RSPO2: variants seen among roughly 807,000 people sequenced by gnomAD.
RSPO2 encodes the protein R-spondin-2.
Under a neutral mutation model 30.9 loss-of-function variants are expected in RSPO2, and 14 were observed. The ratio of observed to expected loss-of-function variants is 0.45; its 90% CI spans 0.30 to 0.71. The LOEUF (loss-of-function observed/expected upper bound fraction) is 0.71. Among genes scored for constraint, RSPO2 ranks in the 30% least tolerant of loss-of-function variants. The pLI, the probability that RSPO2 is intolerant of heterozygous loss-of-function variation, is 0.08. For synonymous variants in RSPO2, 107 were observed against 96.4 expected (o/e 1.11, Z -0.64); for missense variants, 264 against 301.9 (o/e 0.87, Z 0.93).
intron 2 of RSPO2, among the ~76,000 whole-genome samples, chr8:108,014,700 G>T (rs1029876452): frequency 1.3e-5 from 2 of 151,938 alleles, no homozygotes; most frequent in Non-Finnish European, 2.9e-5. Context: ...GTCAGGTGGT[G>T]GGGGGGCTAG....
intron 2 of RSPO2, among the ~76,000 whole-genome samples, chr8:108,062,712 C>A (rs186556764): frequency 6.6e-6 from 1 of 151,812 alleles, no homozygotes; most frequent in East Asian, 1.9e-4. Context: ...ATATCAAAGT[C>A]TGGCAGAGAC....
intron 3 of RSPO2, among the ~76,000 whole-genome samples, chr8:107,984,227 C>A (rs1463803042): frequency 6.6e-6 from 1 of 152,212 alleles, no homozygotes; most frequent in East Asian, 1.9e-4. Flanking sequence ...TGATCCAAAC[C>A]AAATGGCTAC....
At chr8:107,978,346 G>C (rs892840345) in intron 3 of RSPO2, among the ~76,000 whole-genome samples, 25 of 152,110 alleles carry the variant, frequency 1.6e-4, no homozygotes, top group African/African-American at 5.6e-4. Flanking sequence ...AGAATTGATT[G>C]AACCCAGGAG....
intron 2 of RSPO2, chr8:107,997,301 T>C (rs1815062851): frequency 6.4e-6 from 1 of 155,688 alleles, no homozygotes; most frequent in African/African-American, 2.4e-5. Context: ...AGGATCTTCA[T>C]AAGTTGAATG....
chr8:108,023,537 G>T (rs1047655476), intron 2 of RSPO2, among the ~76,000 whole-genome samples: 1 of 152,170 alleles, frequency 6.6e-6, no homozygotes, highest in Non-Finnish European at 1.5e-5. Context: ...GAATACAAGA[G>T]AAAGGATGTA....
intron 2 of RSPO2, among the ~76,000 whole-genome samples, chr8:108,074,464 G>A (rs1177535427): frequency 6.6e-6 from 1 of 152,098 alleles, no homozygotes; most frequent in African/African-American, 2.4e-5. Context: ...TACTAGAAAT[G>A]TTTCTATAAT....
chr8:107,909,965 G>A (rs910505710), intron 5 of RSPO2, among the ~76,000 whole-genome samples: 23 of 152,272 alleles, frequency 1.5e-4, no homozygotes, highest in Admixed American at 1.5e-3. Flanking sequence ...TTGTACAGGT[G>A]CCTGCCCTAA....
At chr8:108,021,893 G>T (rs1811069806) in intron 2 of RSPO2, among the ~76,000 whole-genome samples, 1 of 151,992 alleles carries the variant, frequency 6.6e-6, no homozygotes. Context: ...GTATACCTAT[G>T]TAACAAACGT....
intron 2 of RSPO2, among the ~76,000 whole-genome samples, chr8:108,060,926 G>A (rs541524447): frequency 9.9e-5 from 15 of 151,780 alleles, no homozygotes; most frequent in African/African-American, 3.2e-4. Context: ...TTCATATCCA[G>A]CCAAACTAAG....
intron 2 of RSPO2, among the ~76,000 whole-genome samples, chr8:108,081,498 T>C (rs547719331): frequency 6.6e-6 from 1 of 152,354 alleles, no homozygotes; most frequent in Non-Finnish European, 1.5e-5. Context: ...ACCAGGTCCC[T>C]GGGAAGGGGC....
intron 2 of RSPO2, among the ~76,000 whole-genome samples, chr8:107,990,739 T>C (rs1814816463): frequency 2.0e-5 from 3 of 152,014 alleles, no homozygotes; most frequent in Admixed American, 2.0e-4. Context: ...AAAGCCCAAA[T>C]AGCCAAGGCA....
chr8:108,003,296 TATATATATATATATA>T (rs1217792028), intron 2 of RSPO2, among the ~76,000 whole-genome samples: 15 of 23,804 alleles, frequency 6.3e-4, no homozygotes, highest in South Asian at 1.8e-3. Context: ...TATATATATA[TATATATATATATATA>T]TTTTTTTTTT....
At chr8:108,065,090 C>T (rs998676870) in intron 2 of RSPO2, among the ~76,000 whole-genome samples, 1 of 151,754 alleles carries the variant, frequency 6.6e-6, no homozygotes, top group African/African-American at 2.4e-5. Context: ...TTAATGGGTG[C>T]AGCACACCAA....
chr8:108,070,024 G>C (rs1389273696), intron 2 of RSPO2, among the ~76,000 whole-genome samples: 1 of 152,156 alleles, frequency 6.6e-6, no homozygotes, highest in Non-Finnish European at 1.5e-5. Flanking sequence ...TTCTTATAAT[G>C]AAACATCCTA....
chr8:108,010,067 A>T (rs989396169), intron 2 of RSPO2, among the ~76,000 whole-genome samples: 2 of 152,136 alleles, frequency 1.3e-5, no homozygotes, highest in East Asian at 1.9e-4. Flanking sequence ...AAAATAAAAA[A>T]AAAAATTAAG....
At chr8:107,944,510 G>A (rs1406113559) in intron 5 of RSPO2, among the ~76,000 whole-genome samples, 1 of 152,090 alleles carries the variant, frequency 6.6e-6, no homozygotes, top group African/African-American at 2.4e-5. Context: ...GGTCTTTTGA[G>A]AGGAAACACT....
chr8:107,915,824 G>A (rs991813458), intron 5 of RSPO2, among the ~76,000 whole-genome samples: 25 of 152,064 alleles, frequency 1.6e-4, no homozygotes, highest in African/African-American at 2.7e-4. Context: ...GTTCCCCTGC[G>A]GCCTATTGGG....
At chr8:108,065,241 A>C (rs999104793) in intron 2 of RSPO2, among the ~76,000 whole-genome samples, 8 of 151,172 alleles carry the variant, frequency 5.3e-5, no homozygotes, top group African/African-American at 1.9e-4. Flanking sequence ...TGGCACATGT[A>C]TACCTATGTA....
At chr8:107,983,802 T>G (rs2130509524) in intron 3 of RSPO2, 1 of 1,604,882 alleles carries the variant, frequency 6.2e-7, no homozygotes, top group Non-Finnish European at 8.5e-7. Flanking sequence ...GTTATGGAGC[T>G]TGCCACCACA....
Sources: allele counts gnomAD v4.1 joint callset (sites outside exome capture counted in the v4.1 genomes callset), GRCh38; gene constraint gnomAD v4.1.1; transcripts MANE v1.5; gene names NCBI Gene and HGNC (gene_info 2026-07-23, HGNC 2026-07-21).